Variants in CCSER1 observed in about 807,000 individuals in gnomAD.
CCSER1 encodes serine-rich coiled-coil domain-containing protein 1.
CCSER1 carries 41 observed loss-of-function variants against 82.0 expected under a neutral mutation model. The observed-to-expected ratio is 0.50, with a 90% CI of 0.39 to 0.65. The LOEUF is 0.65. CCSER1 is among the 30% of genes least tolerant of loss of function. The pLI, the probability that CCSER1 is intolerant of heterozygous loss-of-function variation, is 0.00. For synonymous variants in CCSER1, 414 were observed against 383.9 expected (o/e 1.08, Z -0.92); for missense variants, 1,119 against 1,064.2 (o/e 1.05, Z -0.72).
intron 9 of CCSER1, among the ~76,000 whole-genome samples, chr4:91,067,935 T>C (rs1407218277): frequency 1.3e-5 from 2 of 152,200 alleles, no homozygotes; most frequent in Non-Finnish European, 2.9e-5. Context: ...TAAGTTAATA[T>C]ACAGATTTAA....
intron 8 of CCSER1, among the ~76,000 whole-genome samples, chr4:90,883,629 C>T (rs905348997): frequency 6.6e-6 from 1 of 151,910 alleles, no homozygotes; most frequent in African/African-American, 2.4e-5. Flanking sequence ...CAGTGTTAAT[C>T]GAGAGAATTA....
intron 10 of CCSER1, among the ~76,000 whole-genome samples, chr4:91,352,817 A>T (rs1208260828): frequency 6.6e-6 from 1 of 152,214 alleles, no homozygotes; most frequent in Non-Finnish European, 1.5e-5. Flanking sequence ...TCTTCTGGCC[A>T]TTGGAGACAC....
intron 10 of CCSER1, among the ~76,000 whole-genome samples, chr4:91,347,556 G>A (rs1041682441): frequency 6.6e-6 from 1 of 151,560 alleles, no homozygotes; most frequent in Non-Finnish European, 1.5e-5. Context: ...TGATCAAGTT[G>A]GGAAGAATTG....
chr4:91,569,669 G>A (rs1763070664), intron 10 of CCSER1, among the ~76,000 whole-genome samples: 1 of 151,988 alleles, frequency 6.6e-6, no homozygotes, highest in Non-Finnish European at 1.5e-5. Context: ...AGAACAGCAT[G>A]GGGGTAACTG....
At chr4:91,262,380 A>G (rs1479559209) in intron 10 of CCSER1, among the ~76,000 whole-genome samples, 2 of 152,058 alleles carry the variant, frequency 1.3e-5, no homozygotes, top group Non-Finnish European at 2.9e-5. Flanking sequence ...AATGTCTGGT[A>G]CCTCATAGGC....
chr4:90,700,543 C>A (rs911702236), intron 6 of CCSER1, among the ~76,000 whole-genome samples: 4 of 152,098 alleles, frequency 2.6e-5, no homozygotes, highest in Non-Finnish European at 5.9e-5. Flanking sequence ...TTCTAGTTCT[C>A]GATCCTTGAG....
chr4:90,384,002 A>G (rs1749619483), intron 3 of CCSER1, among the ~76,000 whole-genome samples: 1 of 151,606 alleles, frequency 6.6e-6, no homozygotes, highest in Admixed American at 6.6e-5. Context: ...GGCTCAAACA[A>G]TCCTCCCACC....
intron 10 of CCSER1, among the ~76,000 whole-genome samples, chr4:91,101,831 A>C (rs1725094286): frequency 6.6e-6 from 1 of 152,230 alleles, no homozygotes; most frequent in Non-Finnish European, 1.5e-5. Flanking sequence ...GAGTGACAAA[A>C]ACAAACAGTA....
At chr4:91,432,747 T>C (rs990641000) in intron 10 of CCSER1, among the ~76,000 whole-genome samples, 1 of 152,160 alleles carries the variant, frequency 6.6e-6, no homozygotes, top group Non-Finnish European at 1.5e-5. Flanking sequence ...TTTTAGGAGG[T>C]TTATACATTA....
chr4:91,486,888 C>G lies in CCSER1; in HGVS notation c.2218-111684C>G, dbSNP rs184372754. On this transcript the variant is annotated intron_variant, in intron 10 of 10. Coordinates refer to ENST00000509176, the MANE Select transcript of CCSER1 (RefSeq NM_001145065.2). The stretch of plus-strand genomic sequence containing the variant: ...TTTAGATCTGCTCTTAGATTTTTTC[C>G]TATAGGGATTGATTACCATTGTATA... 6.1e-3 allele frequency among the ~76,000 whole-genome samples: 932 copies of G among 151,922 alleles called. 12 individuals carry two copies. Among genetic ancestry groups the G allele is most frequent in the African/African-American group, 0.022 (901 of 41,460 alleles).
At chr4:90,269,139 G>A (rs965114691) in intron 1 of CCSER1, among the ~76,000 whole-genome samples, 9 of 152,004 alleles carry the variant, frequency 5.9e-5, no homozygotes, top group Non-Finnish European at 1.0e-4. Context: ...TTATCCAGTT[G>A]GAAAACTAGC....
At chr4:91,457,099 T>G (rs1756223499) in intron 10 of CCSER1, among the ~76,000 whole-genome samples, 1 of 152,110 alleles carries the variant, frequency 6.6e-6, no homozygotes, top group Non-Finnish European at 1.5e-5. Flanking sequence ...ATATTTGCAG[T>G]TTCCCAAATT....
At chr4:90,189,357 G>A (rs1030770286) in intron 1 of CCSER1, among the ~76,000 whole-genome samples, 10 of 151,868 alleles carry the variant, frequency 6.6e-5, no homozygotes, top group African/African-American at 2.4e-4. Context: ...CAGGTCTTTG[G>A]ATGGTTTAAG....
intron 10 of CCSER1, among the ~76,000 whole-genome samples, chr4:91,430,296 C>T (rs1433145848): frequency 1.3e-5 from 2 of 152,098 alleles, no homozygotes; most frequent in Admixed American, 1.3e-4. Flanking sequence ...GGACATTTTT[C>T]TCTTAGAAAT....
In CCSER1 at chr4:90,444,218, G is replaced by A. The variant is rs973727595; in HGVS notation, c.1604-24016G>A. Among the ~76,000 whole-genome samples, 7 of 152,098 alleles carry A rather than the reference G, an allele frequency of 4.6e-5. No homozygotes were observed. In the East Asian group the frequency reaches 9.6e-4, roughly 21 times the overall value. On this transcript the variant is annotated intron_variant, in intron 4 of 10. Coordinates refer to ENST00000509176, the MANE Select transcript of CCSER1 (RefSeq NM_001145065.2). ...CGAGGTAAAATAAGTTACTTTAAAA[G>A]CCAGGATCAATCCATAACACGATAT...
chr4:91,598,429 A>T, intron 10 of CCSER1, 143 bp from the exon 11 acceptor site: 1 of 846,946 alleles, frequency 1.2e-6, no homozygotes, highest in Non-Finnish European at 1.8e-6. Context: ...ATTTAATCCC[A>T]TGGTTAATTG....
intron 10 of CCSER1, 101 bp downstream of exon 10, chr4:91,086,095 G>A: frequency 1.4e-6 from 1 of 730,298 alleles, no homozygotes; most frequent in Non-Finnish European, 2.4e-6. Context: ...GTTGATAATG[G>A]AAATGGAGAT....
At chr4:91,050,659 T>C (rs1027805269) in intron 9 of CCSER1, among the ~76,000 whole-genome samples, 2 of 152,198 alleles carry the variant, frequency 1.3e-5, no homozygotes, top group Non-Finnish European at 2.9e-5. Flanking sequence ...TTGTTTCAAC[T>C]AGTCGAGCAG....
chr4:90,472,907 A>T (rs1195027957), intron 5 of CCSER1, among the ~76,000 whole-genome samples: 2 of 152,154 alleles, frequency 1.3e-5, no homozygotes, highest in Non-Finnish European at 2.9e-5. Flanking sequence ...AGCAACGTGG[A>T]TGGAGCTGGA....
Sources: gnomAD v4.1 joint callset for allele counts (sites outside exome capture counted in the v4.1 genomes callset) on GRCh38, gnomAD v4.1.1 for gene constraint, MANE v1.5 for transcripts, NCBI Gene and HGNC (gene_info 2026-07-23, HGNC 2026-07-21) for gene names.